The following RGPD1 variants were observed in gnomAD, a reference collection of about 807,000 sequenced individuals.
The protein encoded by RGPD1 is RANBP2-like and GRIP domain-containing protein 1.
Under a neutral mutation model 40.6 loss-of-function variants are expected in RGPD1, and 7 were observed. The ratio of observed to expected loss-of-function variants is 0.17; its 90% confidence interval spans 0.10 to 0.32. RGPD1 has a LOEUF of 0.32. Among genes scored for constraint, RGPD1 ranks in the 10% least tolerant of loss-of-function variants. RGPD1 has a pLI of 1.00. For synonymous variants in RGPD1, 24 were observed against 167.0 expected, an observed-to-expected ratio of 0.14 and a Z score of 6.60; for missense variants, 50 against 472.5, an observed-to-expected ratio of 0.11 and a Z score of 8.29.
At chr2:86,934,823 C>T (rs1288997942) in intron 1 of RGPD1, 1 of 144,414 alleles carries the variant, frequency 6.9e-6, no homozygotes, top group African/African-American at 2.6e-5. Flanking sequence ...GGAACGACAT[C>T]TTGGCGACCC....
chr2:86,918,187 CTT>C (rs1677854410), intron 1 of RGPD1, among the ~76,000 whole-genome samples: 1 of 151,080 alleles, frequency 6.6e-6, no homozygotes, highest in South Asian at 2.1e-4. Context: ...CTACTCTGTA[CTT>C]ATACCATCTA....
chr2:86,962,357 G>C (rs1297508839), intron 6 of RGPD1, among the ~76,000 whole-genome samples: 2 of 104,032 alleles, frequency 1.9e-5, no homozygotes, highest in Non-Finnish European at 3.6e-5. Flanking sequence ...TATAAAAAAA[G>C]TTTAGCGGGG....
chr2:86,992,989 TGAC>T (rs1286095468), intron 20 of RGPD1, among the ~76,000 whole-genome samples: 3 of 110,022 alleles, frequency 2.7e-5, no homozygotes, highest in Non-Finnish European at 5.9e-5. Context: ...CTGGCCTTGA[TGAC>T]TAAATTTTAG....
intron 2 of RGPD1, among the ~76,000 whole-genome samples, chr2:86,951,843 A>G: frequency 2.4e-5 from 1 of 41,658 alleles, no homozygotes. Context: ...CTGGGAGTGG[A>G]TTAAAGCAGG....
chr2:86,942,382 TCGACCTGGCCGGGCGGCG>T, intron 1 of RGPD1, 74 bp downstream of exon 1: 1 of 1,404,042 alleles, frequency 7.1e-7, no homozygotes, highest in South Asian at 1.3e-5. Flanking sequence ...GGCGGCGGCC[TCGACCTGGCCGGGCGGCG>T]GCCTCGATGG....
intron 1 of RGPD1, among the ~76,000 whole-genome samples, chr2:86,943,001 T>C (rs1680013549): frequency 6.6e-6 from 1 of 151,828 alleles, no homozygotes; most frequent in Admixed American, 6.6e-5. Context: ...ACCCGGGTGC[T>C]GTATCGGCGG....
intron 1 of RGPD1, among the ~76,000 whole-genome samples, chr2:86,931,088 T>G (rs200271632): frequency 0.25 from 27,699 of 110,538 alleles, 4,276 homozygotes; most frequent in East Asian, 0.42. Context: ...GGGAGTTGAT[T>G]ATAAATGACT....
chr2:86,924,967 G>C (rs1678368194), intron 1 of RGPD1, among the ~76,000 whole-genome samples: 1 of 151,102 alleles, frequency 6.6e-6, no homozygotes, highest in South Asian at 2.1e-4. Context: ...AAAAAAATTT[G>C]AAAATTAGCC....
chr2:86,988,452 A>AC lies in RGPD1; in HGVS notation c.4900+653_4900+654insC, dbSNP rs202165439. ...TGAGACTTTGTCTCCAAAAAAAAAA[A>AC]AAAAAAACAAAAAAACAAAAAAAAC... On this transcript the variant is annotated intron_variant, in intron 20 of 22. Coordinates refer to ENST00000641458, the MANE Select transcript of RGPD1 (RefSeq NM_001382344.1). Among the ~76,000 whole-genome samples, 33 of 103,288 alleles carry AC rather than the reference A, an allele frequency of 3.2e-4. 3 individuals carry two copies. Among genetic ancestry groups the AC allele is most frequent in the Admixed American group, 1.2e-3 (13 of 10,986 alleles). 67.8% of individuals were successfully genotyped at this position (103,288 alleles called of 152,430 possible).
chr2:86,928,820 AAATG>A (rs1439075797), intron 1 of RGPD1, among the ~76,000 whole-genome samples: 2 of 152,208 alleles, frequency 1.3e-5, no homozygotes, highest in African/African-American at 4.8e-5. Context: ...ATGTTAGTTG[AAATG>A]AATGATACCA....
chr2:86,923,184 G>A (rs1678160170), intron 1 of RGPD1, among the ~76,000 whole-genome samples: 2 of 148,550 alleles, frequency 1.3e-5, no homozygotes, highest in South Asian at 2.1e-4. Context: ...GATTACAGGC[G>A]CCCGCCACCA....
At chr2:86,937,316 C>T (rs1483687169), upstream of RGPD1, among the ~76,000 whole-genome samples, 1 of 151,502 alleles carries the variant, frequency 6.6e-6, no homozygotes, top group Non-Finnish European at 1.5e-5. Context: ...TTATTCTGAC[C>T]AGGAGGTCAG....
Position 86,945,559 on chromosome 2 carries a change from A to G in RGPD1, c.72+3251A>G, listed in dbSNP as rs571492651. On this transcript the variant is annotated intron_variant, in intron 1 of 22. Coordinates refer to ENST00000641458, the MANE Select transcript of RGPD1 (RefSeq NM_001382344.1). ...GTATATCATATCTTTCTAGTCTTCC[A>G]TTGTGCTTTCATTTGTTAGTCTTCT... 9.1e-4 allele frequency among the ~76,000 whole-genome samples: 138 copies of G among 152,162 alleles called. 1 individual carries two copies. Among genetic ancestry groups the G allele is most frequent in the Non-Finnish European group, 1.7e-3 (116 of 68,036 alleles).
chr2:86,960,156 G>A (rs1280902226), intron 6 of RGPD1, among the ~76,000 whole-genome samples: 1 of 104,130 alleles, frequency 9.6e-6, no homozygotes. Flanking sequence ...GACCATGAGG[G>A]GGTGACTGGG....
rs1308579106 is a variant in RGPD1, at chr2:86,942,956, A to G, written c.72+648A>G. 1.6e-4 allele frequency among the ~76,000 whole-genome samples: 24 copies of G among 151,628 alleles called. No homozygotes were observed. In the South Asian group the frequency reaches 4.6e-3, roughly 29 times the overall value. The stretch of plus-strand genomic sequence containing the variant: ...CCTGGCCCGGGCTTTCTGGCCCCAT[A>G]GTACCCGCGCGGCCTAGTTCTCGGG... On this transcript the variant is annotated intron_variant, in intron 1 of 22. Coordinates refer to ENST00000641458, the MANE Select transcript of RGPD1 (RefSeq NM_001382344.1).
intron 1 of RGPD1, chr2:86,934,615 GA>G (rs1272581661): frequency 1.3e-5 from 2 of 152,992 alleles, no homozygotes; most frequent in South Asian, 1.4e-4. Context: ...CTGAAATTAG[GA>G]AAGACACTTG....
rs1279638379 is a variant in RGPD1 at position 86,923,583 on chromosome 2, G to A, written c.72+9662G>A. 1.5e-4 allele frequency among the ~76,000 whole-genome samples: 21 copies of A among 143,752 alleles called. 1 individual carries two copies. The highest frequency in any genetic ancestry group is 1.1e-3 in the East Asian group (5 of 4,742). The allele number at this position is 143,752 out of a possible 152,430, so 94.3% of individuals were successfully genotyped here. A position where few individuals can be genotyped will look rare whatever the true frequency, so the allele number is the denominator to read the frequency against. On this transcript the variant is annotated intron_variant, in intron 1 of 22. Transcript: ENST00000398193. Reference sequence around the variant, plus strand: ...GGCTGGAGTGCAGTGGCACGATGTTGGCTCACCACCTCCTGGGTTGAAGCT... The same window carrying A: ...GGCTGGAGTGCAGTGGCACGATGTTAGCTCACCACCTCCTGGGTTGAAGCT...
intron 1 of RGPD1, among the ~76,000 whole-genome samples, chr2:86,942,887 C>G (rs1679994222): frequency 6.6e-6 from 1 of 151,998 alleles, no homozygotes; most frequent in Admixed American, 6.5e-5. Flanking sequence ...GGATCTTCCT[C>G]TTTCTCCCGG....
chr2:86,943,719 A>G (rs1329256765), intron 1 of RGPD1, among the ~76,000 whole-genome samples: 13 of 152,326 alleles, frequency 8.5e-5, no homozygotes, highest in African/African-American at 2.9e-4. Flanking sequence ...GTTGATGTTA[A>G]AAGGATATTG....
Sources: gnomAD v4.1 joint callset for allele counts (sites outside exome capture counted in the v4.1 genomes callset) on GRCh38, gnomAD v4.1.1 for gene constraint, MANE v1.5 for transcripts, NCBI Gene and HGNC (gene_info 2026-07-23, HGNC 2026-07-21) for gene names.